FCHSD2: variants seen among roughly 807,000 people sequenced by gnomAD.
The protein encoded by FCHSD2 is F-BAR and double SH3 domains protein 2.
FCHSD2 carries 38 observed loss-of-function variants against 108.1 expected under a neutral mutation model. The ratio of observed to expected loss-of-function variants is 0.35; its 90% CI spans 0.27 to 0.46. The LOEUF (loss-of-function observed/expected upper bound fraction) is 0.46, where lower values mean the gene tolerates loss of function less well. FCHSD2 is among the 20% of genes least tolerant of loss of function. The pLI is 1.00. For missense variants in FCHSD2, 751 were observed against 897.8 expected (o/e 0.84, Z 2.09); for synonymous variants, 279 against 314.7 (o/e 0.89, Z 1.20).
intron 13 of FCHSD2, among the ~76,000 whole-genome samples, chr11:72,863,085 G>T (rs998402604): frequency 1.3e-5 from 2 of 151,940 alleles, no homozygotes; most frequent in Non-Finnish European, 2.9e-5. Flanking sequence ...ACAATGCCTG[G>T]CTAGTTGAAA....
At chr11:72,954,347 C>T (rs1856674346) in intron 8 of FCHSD2, among the ~76,000 whole-genome samples, 1 of 151,378 alleles carries the variant, frequency 6.6e-6, no homozygotes, top group Admixed American at 6.6e-5. Context: ...TAGCTGGGAC[C>T]ACAGGTGCAT....
chr11:72,973,189 G>C (rs1212016941), intron 8 of FCHSD2, among the ~76,000 whole-genome samples: 1 of 152,120 alleles, frequency 6.6e-6, no homozygotes, highest in East Asian at 1.9e-4. Flanking sequence ...CCAACATGGA[G>C]AAACCCCGTC....
chr11:73,092,796 G>A (rs1859987852), intron 2 of FCHSD2, among the ~76,000 whole-genome samples: 1 of 152,122 alleles, frequency 6.6e-6, no homozygotes, highest in South Asian at 2.1e-4. Flanking sequence ...TCAAATCAAG[G>A]AGGGCATCGG....
chr11:72,910,921 A>G (rs924859388), intron 9 of FCHSD2, among the ~76,000 whole-genome samples: 9 of 151,116 alleles, frequency 6.0e-5, no homozygotes, highest in African/African-American at 2.2e-4. Flanking sequence ...TATTTTGCAA[A>G]TATTGTCTCC....
At chr11:73,141,770 G>A in intron 1 of FCHSD2, 87 bp downstream of exon 1, 5 of 1,392,282 alleles carry the variant, frequency 3.6e-6, no homozygotes, top group Admixed American at 2.2e-5. Flanking sequence ...GCCCCTTGCG[G>A]GAGGGGGAAG....
chr11:73,083,899 T>C (rs1859755251), intron 2 of FCHSD2, among the ~76,000 whole-genome samples, 159 bp from the exon 3 acceptor site: 1 of 152,178 alleles, frequency 6.6e-6, no homozygotes, highest in African/African-American at 2.4e-5. Flanking sequence ...AACAGCCTGG[T>C]CTCTACAGTC....
chr11:72,896,666 G>C (rs1855423838), intron 10 of FCHSD2, among the ~76,000 whole-genome samples: 1 of 150,054 alleles, frequency 6.7e-6, no homozygotes, highest in Admixed American at 6.7e-5. Context: ...TTGAGAGCTA[G>C]GGATCATGAC....
intron 8 of FCHSD2, among the ~76,000 whole-genome samples, chr11:72,962,540 A>C (rs1021173452): frequency 1.3e-5 from 2 of 152,152 alleles, no homozygotes; most frequent in Admixed American, 6.5e-5. Flanking sequence ...ATATAAACTA[A>C]GTGATTTTTG....
rs115470194 is a variant in FCHSD2, at chr11:73,098,891, C to T, written c.120-15151G>A. On this transcript the variant is annotated intron_variant, in intron 2 of 19. Transcript: ENST00000409418. ...GATGGGAAACCAAAAGCACAAACAA[C>T]GAAGAAAAAACAGGTAAAATGAACT... 9.5e-3 allele frequency among the ~76,000 whole-genome samples: 1,444 copies of T among 152,176 alleles called. 26 individuals carry two copies. The highest frequency in any genetic ancestry group is 0.032 in the African/African-American group (1,320 of 41,518).
chr11:73,021,075 G>C (rs753074466), intron 3 of FCHSD2, among the ~76,000 whole-genome samples: 2 of 151,898 alleles, frequency 1.3e-5, no homozygotes, highest in East Asian at 3.9e-4. Flanking sequence ...ATGGGGTCTC[G>C]CTATGTTGCC....
chr11:73,101,719 G>A (rs1860230683), intron 2 of FCHSD2, among the ~76,000 whole-genome samples: 1 of 151,862 alleles, frequency 6.6e-6, no homozygotes, highest in South Asian at 2.1e-4. Flanking sequence ...TTATAGGTGT[G>A]AGCCACTGCA....
intron 2 of FCHSD2, among the ~76,000 whole-genome samples, chr11:73,138,381 C>T (rs143544414): frequency 3.1e-3 from 478 of 152,198 alleles, no homozygotes; most frequent in African/African-American, 0.011. Flanking sequence ...GGAGACAAAA[C>T]GCAATCAAGA....
chr11:73,088,131 C>G (rs965860569), intron 2 of FCHSD2, among the ~76,000 whole-genome samples: 2 of 152,134 alleles, frequency 1.3e-5, no homozygotes, highest in Admixed American at 1.3e-4. Flanking sequence ...CCTTGCCCTC[C>G]CAGTGCTAGG....
chr11:72,971,477 G>C (rs1280899540), intron 8 of FCHSD2, among the ~76,000 whole-genome samples: 1 of 152,124 alleles, frequency 6.6e-6, no homozygotes, highest in African/African-American at 2.4e-5. Context: ...TAAAAGCAGA[G>C]TTTTCTCTAG....
chr11:72,957,069 C>A (rs1239338470), intron 8 of FCHSD2, among the ~76,000 whole-genome samples: 1 of 149,064 alleles, frequency 6.7e-6, no homozygotes, highest in East Asian at 2.0e-4. Context: ...TTTTAGGGTA[C>A]ATGTGCACAT....
At chr11:72,846,631 T>C (rs927335913) in intron 14 of FCHSD2, among the ~76,000 whole-genome samples, 2 of 152,174 alleles carry the variant, frequency 1.3e-5, no homozygotes, top group African/African-American at 2.4e-5. Context: ...GAGCAGTAAA[T>C]GGTTATTAAA....
intron 4 of FCHSD2, among the ~76,000 whole-genome samples, chr11:73,003,917 G>T: frequency 6.6e-6 from 1 of 151,148 alleles, no homozygotes. Context: ...GACCAGCCTG[G>T]CCAACACGGT....
At chr11:73,118,152 C>T (rs890362213) in intron 2 of FCHSD2, among the ~76,000 whole-genome samples, 2 of 152,118 alleles carry the variant, frequency 1.3e-5, no homozygotes, top group South Asian at 4.2e-4. Context: ...CACCCCATCT[C>T]TACTAAAAAT....
chr11:72,850,501 C>T lies in FCHSD2; in HGVS notation c.1309-612G>A, dbSNP rs1861256870. Reference sequence around the variant, plus strand: ...CCCGAGTAGCTGGGACTACAGGTGCCCACCACCACGCCCGGCTAATTTTTT... The same window carrying T: ...CCCGAGTAGCTGGGACTACAGGTGCTCACCACCACGCCCGGCTAATTTTTT... On this transcript the variant is annotated intron_variant, in intron 13 of 19. Transcript: ENST00000409418. Among the ~76,000 whole-genome samples the T allele has an allele frequency of 2.6e-5, 4 of 151,792 alleles. No homozygotes were observed. In the South Asian group the frequency reaches 8.3e-4, roughly 32 times the overall value.
Sources: gnomAD v4.1 joint callset for allele counts (sites outside exome capture counted in the v4.1 genomes callset) on GRCh38, gnomAD v4.1.1 for gene constraint, MANE v1.5 for transcripts, NCBI Gene and HGNC (gene_info 2026-07-23, HGNC 2026-07-21) for gene names.